The following ADGRA3 variants were observed in gnomAD, a reference collection of about 807,000 sequenced individuals.
ADGRA3 encodes G-protein coupled receptor 125.
ADGRA3 carries 56 observed loss-of-function variants against 119.8 expected under a neutral mutation model. That is an observed-to-expected ratio of 0.47 (90% CI 0.38 to 0.58). The LOEUF is 0.58. Ranked by LOEUF, ADGRA3 falls within the 20% of genes least tolerant of loss-of-function variation. The pLI is 0.00. For synonymous variants in ADGRA3, 607 were observed against 623.8 expected, an observed-to-expected ratio of 0.97 and a Z score of 0.40; for missense variants, 1,516 against 1,649.0, an observed-to-expected ratio of 0.92 and a Z score of 1.40.
At chr4:22,514,690 T>C (rs1719575651) in intron 1 of ADGRA3, 1 of 152,144 alleles carries the variant, frequency 6.6e-6, no homozygotes, top group Admixed American at 6.6e-5. Flanking sequence ...TCCAAACCAA[T>C]TCATCCTTCT....
chr4:22,512,000 G>T (rs1378851527), intron 1 of ADGRA3, among the ~76,000 whole-genome samples: 1 of 142,178 alleles, frequency 7.0e-6, no homozygotes, highest in Non-Finnish European at 1.5e-5. Context: ...GGGTTCAAGC[G>T]ATTCTCCTGC....
chr4:22,477,931 T>C (rs1318510603), intron 1 of ADGRA3, among the ~76,000 whole-genome samples: 1 of 152,170 alleles, frequency 6.6e-6, no homozygotes, highest in Admixed American at 6.5e-5. Flanking sequence ...ATGCATAATA[T>C]CATGTATTAT....
chr4:22,468,759 ACT>A (rs1267405054), intron 2 of ADGRA3, among the ~76,000 whole-genome samples: 2 of 149,206 alleles, frequency 1.3e-5, no homozygotes, highest in Admixed American at 6.7e-5. Context: ...ACAGAGTAAG[ACT>A]CTGTCTCAAA....
chr4:22,389,130 G>A lies in ADGRA3; in HGVS notation c.2681C>T (p.Ala894Val). ...ACTGCCGTAATTCTTAATGTTCGCTGCTGCAGTTATGCCGCAAACAATGAT... is the reference window on the plus strand; with the variant it reads ...ACTGCCGTAATTCTTAATGTTCGCTACTGCAGTTATGCCGCAAACAATGAT... Reference protein sequence around the residue: ...IPIIVCGITAAANIKNYGSRP... With the variant: ...IPIIVCGITAVANIKNYGSRP... The change falls in exon 18 of 19, where the codon GCA becomes GTA. Residue 894 changes from alanine (A) to valine (V), a missense_variant. Physicochemically the swap from Ala to Val is moderately conservative, Grantham distance 64. Coordinates refer to ENST00000334304, the MANE Select transcript of ADGRA3 (RefSeq NM_145290.4). 6.2e-7 allele frequency: 1 copy of A among 1,614,058 alleles called. No homozygotes were observed. Among genetic ancestry groups the A allele is most frequent in the Non-Finnish European group, 8.5e-7 (1 of 1,179,928 alleles).
chr4:22,460,091 A>G (rs1433280630), intron 3 of ADGRA3, among the ~76,000 whole-genome samples: 1 of 152,180 alleles, frequency 6.6e-6, no homozygotes, highest in African/African-American at 2.4e-5. Context: ...TTTTTAATAC[A>G]TATTCATTCC....
chr4:22,411,133 T>G (rs1178786657), intron 14 of ADGRA3, among the ~76,000 whole-genome samples: 1 of 152,270 alleles, frequency 6.6e-6, no homozygotes, highest in Non-Finnish European at 1.5e-5. Context: ...TGCATTTTTG[T>G]GTATGTTTTG....
intron 2 of ADGRA3, among the ~76,000 whole-genome samples, chr4:22,462,061 G>A (rs1419290396): frequency 6.6e-6 from 1 of 151,970 alleles, no homozygotes; most frequent in East Asian, 1.9e-4. Flanking sequence ...AGAAATATGT[G>A]ACCTAATATT....
chr4:22,475,624 G>A (rs1477786343), intron 1 of ADGRA3, among the ~76,000 whole-genome samples: 1 of 152,168 alleles, frequency 6.6e-6, no homozygotes, highest in Admixed American at 6.5e-5. Context: ...CTACTCGGGA[G>A]GCTGACGCAG....
chr4:22,486,275 C>G (rs901195006), intron 1 of ADGRA3, among the ~76,000 whole-genome samples: 2 of 152,170 alleles, frequency 1.3e-5, no homozygotes, highest in African/African-American at 4.8e-5. Flanking sequence ...CACTGTATAT[C>G]TACTTAAGGG....
At chr4:22,443,604 A>C (rs528870441) in intron 6 of ADGRA3, among the ~76,000 whole-genome samples, 1 of 152,302 alleles carries the variant, frequency 6.6e-6, no homozygotes, top group African/African-American at 2.4e-5. Flanking sequence ...ATGCTGTAAT[A>C]GAGAAGTTGT....
At chr4:22,485,848 G>A (rs1444474971) in intron 1 of ADGRA3, among the ~76,000 whole-genome samples, 1 of 152,160 alleles carries the variant, frequency 6.6e-6, no homozygotes, top group African/African-American at 2.4e-5. Context: ...TGGCCTTGTT[G>A]CAGAAGCAAA....
At chr4:22,504,666 C>T (rs118163266) in intron 1 of ADGRA3, among the ~76,000 whole-genome samples, 1,643 of 152,036 alleles carry the variant, frequency 0.011, 20 homozygotes, top group East Asian at 0.063. Context: ...ATCGTCTTTC[C>T]TCTGCTTGTA....
intron 7 of ADGRA3, among the ~76,000 whole-genome samples, chr4:22,440,567 T>G (rs970938446): frequency 1.3e-5 from 2 of 152,080 alleles, no homozygotes; most frequent in Non-Finnish European, 2.9e-5. Flanking sequence ...AAATGTTAGG[T>G]TAACTTGTTA....
At position 22,513,845 on chromosome 4, in the gene ADGRA3, CAAAAAAA is replaced by C. The variant is rs59015584; in HGVS notation, c.257+1676_257+1682del. 1.3e-3 allele frequency among the ~76,000 whole-genome samples: 42 copies of C among 31,480 alleles called. 1 individual carries two copies. The highest frequency in any genetic ancestry group is 4.5e-3 in the South Asian group (3 of 662). The allele number at this position is 31,480 out of a possible 152,430, so 20.7% of individuals were successfully genotyped here. On this transcript the variant is annotated intron_variant, in intron 1 of 18. Coordinates refer to ENST00000334304, the MANE Select transcript of ADGRA3 (RefSeq NM_145290.4). ...TATTTTCATCTAAAAAGCTTTCAGG[CAAAAAAA>C]AAAAAAAAAAAAAAAAAAAAAACTG...
intron 6 of ADGRA3, chr4:22,443,202 C>T (rs1716692370): frequency 1.7e-6 from 1 of 598,988 alleles, no homozygotes; most frequent in Non-Finnish European, 2.9e-6. Context: ...ATATTTACAA[C>T]TTTAAAATAC....
At chr4:22,504,322 C>T (rs916677368) in intron 1 of ADGRA3, among the ~76,000 whole-genome samples, 18 of 152,226 alleles carry the variant, frequency 1.2e-4, no homozygotes, top group South Asian at 4.2e-4. Flanking sequence ...AATGATGAGG[C>T]GCTAAAAGAA....
At chr4:22,432,264 T>G (rs1462996) in intron 10 of ADGRA3, among the ~76,000 whole-genome samples, 101,304 of 151,878 alleles carry the variant, frequency 0.67, 34,559 homozygotes, top group Non-Finnish European at 0.74. Flanking sequence ...TGAACCCATT[T>G]CAGACCTGCT....
Position 22,417,651 on chromosome 4 carries a change from G to A in ADGRA3, c.1809+3235C>T, listed in dbSNP as rs1021488691. Among the ~76,000 whole-genome samples the A allele has an allele frequency of 2.0e-5, 3 of 152,120 alleles. No homozygotes were observed. The East Asian group carries it at 5.8e-4, about 29-fold the overall frequency. Reference sequence around the variant, plus strand: ...CACAGTCTTAGTCACTGTATCATATGGCCTCTCATTGCAGCTCGCTCCACC... The same window carrying A: ...CACAGTCTTAGTCACTGTATCATATAGCCTCTCATTGCAGCTCGCTCCACC... On this transcript the variant is annotated intron_variant, in intron 12 of 18. Transcript: ENST00000334304.
intron 7 of ADGRA3, 116 bp downstream of exon 7, chr4:22,442,534 T>TTTA: frequency 1.5e-6 from 1 of 651,668 alleles, no homozygotes. Flanking sequence ...ATGTTTGCAT[T>TTTA]TTTAAATACA....
Sources: gnomAD v4.1 joint callset for allele counts (sites outside exome capture counted in the v4.1 genomes callset) on GRCh38, gnomAD v4.1.1 for gene constraint, MANE v1.5 for transcripts, NCBI Gene and HGNC (gene_info 2026-07-23, HGNC 2026-07-21) for gene names.